The following WBP2NL variants were observed in gnomAD, a reference collection of about 807,000 sequenced individuals.
WBP2NL encodes the protein WBP2 N-terminal like.
WBP2NL carries 27 observed loss-of-function variants against 23.3 expected under a neutral mutation model. That is an observed-to-expected ratio of 1.16 (90% CI 0.85 to 1.60). The LOEUF (loss-of-function observed/expected upper bound fraction) is 1.60, where lower values mean the gene tolerates loss of function less well. Ranked by LOEUF, WBP2NL falls within the 40% of genes most tolerant of loss-of-function variation. The probability of loss-of-function intolerance (pLI) is 0.00; values close to 1 mark genes in which losing one functional copy is unlikely to be tolerated. For synonymous variants in WBP2NL, 151 were observed against 145.9 expected, an observed-to-expected ratio of 1.03 and a Z score of -0.25; for missense variants, 370 against 389.5, an observed-to-expected ratio of 0.95 and a Z score of 0.42.
Position 42,043,016 on chromosome 22 carries a change from GAAAAAAAA to G in WBP2NL, c.*273+12209_*273+12216del, listed in dbSNP as rs59812729. ...GGAGACAGAGGTTGCAGTGAGCCAA[GAAAAAAAA>G]AAAAAAAAAAAAAAAGGAGAAGAAG... is the stretch of plus-strand genomic sequence containing the variant. On this transcript the variant is annotated intron_variant and NMD_transcript_variant, in intron 8 of 8. Transcript: ENST00000436265. 3.0e-3 allele frequency among the ~76,000 whole-genome samples: 166 copies of G among 55,400 alleles called. 1 individual carries two copies. Among genetic ancestry groups the G allele is most frequent in the African/African-American group, 7.8e-3 (151 of 19,374 alleles). 36.3% of individuals were successfully genotyped at this position (55,400 alleles called of 152,430 possible). A position where few individuals can be genotyped will look rare whatever the true frequency, so the allele number is the denominator to read the frequency against.
intron 1 of WBP2NL, 72 bp from the exon 2 acceptor site, chr22:42,019,239 C>T (rs772429927): frequency 1.6e-5 from 23 of 1,405,348 alleles, no homozygotes; most frequent in Middle Eastern, 1.8e-4. Flanking sequence ...AAAAAAATTG[C>T]GTTAAGAACT....
At position 42,028,044 on chromosome 22, in the gene WBP2NL, A is replaced by G. The variant is rs1335248439; in HGVS notation, c.*863A>G. On this transcript the variant is annotated 3_prime_UTR_variant, in exon 6 of 6. Coordinates refer to ENST00000328823, the MANE Select transcript of WBP2NL (RefSeq NM_152613.3). ...TGATATGGCACTTTCACATTTTAAA[A>G]TATGCCTGCGAGAAAACTTGCATGT... is the stretch of plus-strand genomic sequence containing the variant. 5.0e-6 allele frequency: 2 copies of G among 398,414 alleles called. No individual in the cohort carries two copies. The highest frequency in any genetic ancestry group is 1.3e-4 in the South Asian group (1 of 7,866). The allele number at this position is 398,414 out of a possible 1,614,324, so 24.7% of individuals were successfully genotyped here. A position where few individuals can be genotyped will look rare whatever the true frequency, so the allele number is the denominator to read the frequency against.
chr22:42,036,292 A>G (rs533109096), downstream of WBP2NL, among the ~76,000 whole-genome samples: 1 of 152,068 alleles, frequency 6.6e-6, no homozygotes, highest in African/African-American at 2.4e-5. Context: ...CTCCTGCCTC[A>G]GCCTCCCGAG....
chr22:42,049,547 G>A (rs947905867), intron 8 of WBP2NL, among the ~76,000 whole-genome samples: 4 of 151,532 alleles, frequency 2.6e-5, no homozygotes, highest in Non-Finnish European at 2.9e-5. Flanking sequence ...AAAATTAGCC[G>A]GGCGTGGTGG....
In WBP2NL at chr22:42,023,685, C is replaced by T. The variant is rs1044083878; in HGVS notation, c.514+1329C>T. Among the ~76,000 whole-genome samples the T allele has an allele frequency of 7.4e-4, 112 of 151,816 alleles. 1 individual carries two copies. Among genetic ancestry groups the T allele is most frequent in the African/African-American group, 2.3e-3 (96 of 41,416 alleles). On this transcript the variant is annotated intron_variant, in intron 5 of 5. Transcript: ENST00000328823. ...TTTTTTTTTGTATTTTTAGTAGAGA[C>T]GGGATTTCACTGTGTTAGCCAGGAT...
Position 42,027,074 on chromosome 22 carries a change from G to C in WBP2NL, c.823G>C (p.Ala275Pro), listed in dbSNP as rs1165702583. Residue 275 changes from alanine (A) to proline (P), a missense_variant, in exon 6 of 6, where the codon GCC (alanine) becomes CCC (proline). Ala to Pro is a conservative substitution (Grantham distance 27). Coordinates refer to ENST00000328823, the MANE Select transcript of WBP2NL (RefSeq NM_152613.3). ...GNEGPPAGYR[A>P]SPAGSGARPQ... ...TGAAGGCCCGCCTGCGGGATACAGA[G>C]CCTCACCTGCTGGATCAGGAGCCAG... is the stretch of plus-strand genomic sequence containing the variant. The C allele has an allele frequency of 1.2e-6, 2 of 1,614,044 alleles. No individual in the cohort carries two copies. Among genetic ancestry groups the C allele is most frequent in the Admixed American group, 1.7e-5 (1 of 60,012 alleles).
At chr22:42,051,500 T>C (rs1165497794) in intron 8 of WBP2NL, among the ~76,000 whole-genome samples, 2 of 152,202 alleles carry the variant, frequency 1.3e-5, no homozygotes, top group South Asian at 4.1e-4. Flanking sequence ...TAAACCCTAA[T>C]GTAAATTATG....
chr22:42,039,217 G>T (rs9611724), intron 8 of WBP2NL, among the ~76,000 whole-genome samples: 1 of 151,708 alleles, frequency 6.6e-6, no homozygotes, highest in Non-Finnish European at 1.5e-5. Flanking sequence ...GATTACAGGC[G>T]CCCACCACCA....
chr22:42,026,938 A>G lies in WBP2NL; in HGVS notation c.687A>G (p.Ala229=). 6.2e-7 allele frequency: 1 copy of G among 1,607,946 alleles called. No individual in the cohort carries two copies. The highest frequency in any genetic ancestry group is 1.1e-5 in the South Asian group (1 of 90,818). ...CTCTTGGATACGGAGCCCCACCTGC[A>G]GGATATGGAGCCCCACCTCTAGGAT... The part of the protein sequence containing the change: ...APPLGYGAPP[A]GYGAPPLGYG... Residue 229 remains alanine, a synonymous_variant, in exon 6 of 6, where the codon GCA becomes GCG. Transcript: ENST00000328823.
At chr22:42,000,540 T>C (rs1921531311) in intron 1 of WBP2NL, among the ~76,000 whole-genome samples, 1 of 152,194 alleles carries the variant, frequency 6.6e-6, no homozygotes, top group Admixed American at 6.5e-5. Flanking sequence ...TAGAAATGGC[T>C]TTAAGAGAAA....
downstream of WBP2NL, among the ~76,000 whole-genome samples, chr22:42,034,681 T>C (rs1296968247): frequency 6.6e-6 from 1 of 152,180 alleles, no homozygotes; most frequent in Non-Finnish European, 1.5e-5. Flanking sequence ...ATTTCACCTC[T>C]GCAATCTCGA....
intron 8 of WBP2NL, among the ~76,000 whole-genome samples, chr22:42,043,895 T>G (rs1925488501): frequency 6.6e-6 from 1 of 152,108 alleles, no homozygotes; most frequent in African/African-American, 2.4e-5. Context: ...CCCGGCTAAT[T>G]TTTTGTATTT....
downstream of WBP2NL, among the ~76,000 whole-genome samples, chr22:42,037,802 GTTCTACCAGT>G (rs765610144): frequency 5.3e-5 from 8 of 151,142 alleles, no homozygotes; most frequent in Non-Finnish European, 1.2e-4. Flanking sequence ...TCATTCATTA[GTTCTACCAGT>G]TTCGGGGGGA....
chr22:42,016,402 T>A (rs1165964176), intron 1 of WBP2NL, among the ~76,000 whole-genome samples: 2 of 152,206 alleles, frequency 1.3e-5, no homozygotes, highest in African/African-American at 4.8e-5. Context: ...CTACAATTTT[T>A]AAAAATAAGT....
At chr22:42,004,325 G>A (rs1922002019) in intron 1 of WBP2NL, among the ~76,000 whole-genome samples, 1 of 152,156 alleles carries the variant, frequency 6.6e-6, no homozygotes, top group Admixed American at 6.6e-5. Flanking sequence ...TGGGTGCAGT[G>A]GCTGATGCCT....
At chr22:42,034,148 A>G (rs1270134159), downstream of WBP2NL, among the ~76,000 whole-genome samples, 1 of 152,242 alleles carries the variant, frequency 6.6e-6, no homozygotes, top group African/African-American at 2.4e-5. Context: ...GCACTGCCCA[A>G]CTTTGCTCTG....
intron 1 of WBP2NL, among the ~76,000 whole-genome samples, chr22:42,003,785 C>T (rs1921942491): frequency 6.6e-6 from 1 of 151,958 alleles, no homozygotes; most frequent in Non-Finnish European, 1.5e-5. Context: ...GTTTGAGGCA[C>T]TAAGAAAGAT....
rs536062246 is a variant in WBP2NL at position 42,041,095 on chromosome 22, T to C, written c.*273+10272T>C. 2.2e-3 allele frequency among the ~76,000 whole-genome samples: 337 copies of C among 152,350 alleles called. 1 individual carries two copies. Among genetic ancestry groups the C allele is most frequent in the Non-Finnish European group, 1.7e-3 (117 of 68,028 alleles). ...TTTAAGTGCTCTGATGTTCAGTACATACATGTTTATAATTGTTATAGCTTC... is the reference window on the plus strand; with the variant it reads ...TTTAAGTGCTCTGATGTTCAGTACACACATGTTTATAATTGTTATAGCTTC... On this transcript the variant is annotated intron_variant and NMD_transcript_variant, in intron 8 of 8. Coordinates refer to the WBP2NL transcript ENST00000436265.
rs376080351 is a variant in WBP2NL, at chr22:42,022,375, G to A, written c.514+19G>A. ...TGTTCAGGTAAGGTATGGCAGAGAG[G>A]TTCTTCCTGGAAGGTGGAAAATTAT... On this transcript the variant is annotated intron_variant, in intron 5 of 5. Transcript: ENST00000328823. 5 of 1,586,700 alleles carry A rather than the reference G, an allele frequency of 3.2e-6. No individual in the cohort carries two copies. In the African/African-American group the frequency reaches 4.1e-5, roughly 13 times the overall value.
Sources: allele counts gnomAD v4.1 joint callset (sites outside exome capture counted in the v4.1 genomes callset), GRCh38; gene constraint gnomAD v4.1.1; transcripts MANE v1.5; gene names NCBI Gene and HGNC (gene_info 2026-07-23, HGNC 2026-07-21).